HTR4: variants seen among roughly 807,000 people sequenced by gnomAD.
HTR4 encodes 5-hydroxytryptamine (serotonin) receptor 4, G protein-coupled.
A neutral mutation model predicts 36.8 loss-of-function variants in HTR4; 16 were observed. That is an observed-to-expected ratio of 0.43 (90% CI 0.29 to 0.66). The LOEUF (loss-of-function observed/expected upper bound fraction) is 0.66. HTR4 is among the 30% of genes least tolerant of loss of function. The pLI is 0.13. For synonymous variants in HTR4, 189 were observed against 185.1 expected, an observed-to-expected ratio of 1.02 and a Z score of -0.17; for missense variants, 438 against 490.9, an observed-to-expected ratio of 0.89 and a Z score of 1.02.
chr5:148,514,874 G>A (rs1561589852), intron 5 of HTR4, among the ~76,000 whole-genome samples: 1 of 151,986 alleles, frequency 6.6e-6, no homozygotes, highest in East Asian at 1.9e-4. Context: ...CACTTGCATA[G>A]TGTATGTATT....
At chr5:148,543,701 C>G (rs1759231782) in intron 4 of HTR4, among the ~76,000 whole-genome samples, 1 of 151,944 alleles carries the variant, frequency 6.6e-6, no homozygotes. Flanking sequence ...CTACAATGCT[C>G]AGGTATTATT....
rs183566586 is a variant in HTR4, at chr5:148,523,724, C to T, written c.354-378G>A. 3.0e-3 allele frequency among the ~76,000 whole-genome samples: 456 copies of T among 152,244 alleles called. 2 individuals carry two copies. The highest frequency in any genetic ancestry group is 5.2e-3 in the Non-Finnish European group (354 of 68,018). The stretch of plus-strand genomic sequence containing the variant: ...CATTGCCTGCAGTTGGCCCCACAGT[C>T]CTCTCCATCTCCCAATATCTGGAGG... On this transcript the variant is annotated intron_variant, in intron 4 of 6. Coordinates refer to ENST00000377888, the MANE Select transcript of HTR4 (RefSeq NM_000870.7).
At chr5:148,564,742 CA>C (rs2113871466) in intron 2 of HTR4, among the ~76,000 whole-genome samples, 1 of 152,308 alleles carries the variant, frequency 6.6e-6, no homozygotes, top group South Asian at 2.1e-4. Context: ...GCCTTTCCCA[CA>C]TTGTACTCTT....
At chr5:148,617,807 A>T (rs1305173170) in intron 2 of HTR4, among the ~76,000 whole-genome samples, 2 of 152,242 alleles carry the variant, frequency 1.3e-5, no homozygotes, top group East Asian at 3.9e-4. Context: ...ACAGTAATGA[A>T]TTAATCAGGA....
chr5:148,509,704 A>G lies in HTR4; in HGVS notation c.828T>C (p.Phe276=), dbSNP rs1757400342. Residue 276 remains phenylalanine (F), a synonymous_variant, in exon 6 of 7, where the codon TTT becomes TTC. Coordinates refer to ENST00000377888, the MANE Select transcript of HTR4 (RefSeq NM_000870.7). ...TGAAAGGATCCACAATATTGGTGAC[A>G]AAGAATGGTGCCCAGCAGAGGCAGA... is the stretch of plus-strand genomic sequence containing the variant. ...GCFCLCWAPF[F]VTNIVDPFID... 6.2e-7 allele frequency: 1 copy of G among 1,614,168 alleles called. No homozygotes were observed.
intron 6 of HTR4, among the ~76,000 whole-genome samples, chr5:148,486,519 C>T (rs570681763): frequency 1.5e-4 from 23 of 152,262 alleles, no homozygotes; most frequent in African/African-American, 5.5e-4. Context: ...TTTCCTGTGC[C>T]TCACTTTTCC....
At chr5:148,551,808 G>T (rs1759707925) in intron 2 of HTR4, among the ~76,000 whole-genome samples, 1 of 152,138 alleles carries the variant, frequency 6.6e-6, no homozygotes, top group Non-Finnish European at 1.5e-5. Context: ...ATTGGGTTGG[G>T]CTGCATTAAA....
rs199957116 is a variant in HTR4, at chr5:148,509,529, G to A, written c.1003C>T (p.Arg335Ter). ...IILCCDDERY[R>*]RPSILGQTVP... ...GTCTGGCCCAGAATGGAAGGTCTTC[G>A]GTAGCGCTCATCATCACAGCAGAGG... The change falls in exon 6 of 7, where the codon CGA becomes TGA. Residue 335 changes from arginine (R) to a stop codon, truncating the protein, a stop_gained. Transcript: ENST00000377888. LOFTEE classifies it high-confidence loss of function. 1.2e-5 allele frequency: 19 copies of A among 1,613,964 alleles called. No homozygotes were observed. The highest frequency in any genetic ancestry group is 8.9e-5 in the East Asian group (4 of 44,864).
At chr5:148,646,279 C>T (rs1268056339) in intron 1 of HTR4, 3 of 152,326 alleles carry the variant, frequency 2.0e-5, no homozygotes, top group East Asian at 1.9e-4. Context: ...TTAAATGCCT[C>T]ATTGGCTGAG....
At chr5:148,510,790 A>ATAACACAGAG (rs371434488) in intron 5 of HTR4, among the ~76,000 whole-genome samples, 5 of 152,260 alleles carry the variant, frequency 3.3e-5, no homozygotes, top group South Asian at 4.1e-4. Flanking sequence ...TCTCATTTAG[A>ATAACACAGAG]TAACACAGAG....
chr5:148,461,570 T>C (rs6864744), intron 5 of HTR4, among the ~76,000 whole-genome samples: 3,780 of 152,078 alleles, frequency 0.025, 167 homozygotes, highest in African/African-American at 0.086. Context: ...GAAGACATAA[T>C]AATCCTTAAC....
intron 2 of HTR4, among the ~76,000 whole-genome samples, chr5:148,634,838 C>T (rs1753472020): frequency 6.6e-6 from 1 of 152,114 alleles, no homozygotes; most frequent in Admixed American, 6.6e-5. Flanking sequence ...TTTTCCTGGG[C>T]TAGAAACCCA....
intron 2 of HTR4, among the ~76,000 whole-genome samples, chr5:148,605,658 G>A (rs1022213491): frequency 5.3e-5 from 8 of 151,666 alleles, no homozygotes; most frequent in African/African-American, 1.7e-4. Context: ...TCCCCTTCAG[G>A]ACAAATTATC....
At chr5:148,601,529 G>A (rs1267788344) in intron 2 of HTR4, among the ~76,000 whole-genome samples, 3 of 152,140 alleles carry the variant, frequency 2.0e-5, no homozygotes, top group African/African-American at 7.2e-5. Flanking sequence ...GGCCAGGTGT[G>A]GTGGCTCACT....
chr5:148,506,997 C>A (rs1439229692), intron 6 of HTR4, among the ~76,000 whole-genome samples: 4 of 152,062 alleles, frequency 2.6e-5, no homozygotes, highest in African/African-American at 9.7e-5. Flanking sequence ...CTAGAAATAC[C>A]ATTTGACCCA....
chr5:148,484,431 T>G (rs1756053387), intron 6 of HTR4: 3 of 1,544,774 alleles, frequency 1.9e-6, no homozygotes, highest in African/African-American at 1.4e-5. Context: ...CAGTGAATCT[T>G]ACTTACACAA....
chr5:148,624,562 T>C (rs1259331313), intron 2 of HTR4, among the ~76,000 whole-genome samples: 4 of 152,190 alleles, frequency 2.6e-5, no homozygotes, highest in African/African-American at 9.7e-5. Context: ...AAAGGCATGT[T>C]GTCCCTGTCA....
chr5:148,533,290 A>G (rs893569063), intron 4 of HTR4, among the ~76,000 whole-genome samples: 10 of 152,238 alleles, frequency 6.6e-5, no homozygotes, highest in African/African-American at 2.4e-4. Context: ...GGATTAACTA[A>G]AATGAAGCAA....
intron 4 of HTR4, among the ~76,000 whole-genome samples, chr5:148,534,009 G>T (rs1172685040): frequency 6.6e-6 from 1 of 152,034 alleles, no homozygotes; most frequent in Non-Finnish European, 1.5e-5. Flanking sequence ...TGAATGAATT[G>T]GTCTCTAAAG....
Sources: allele counts gnomAD v4.1 joint callset (sites outside exome capture counted in the v4.1 genomes callset), GRCh38; gene constraint gnomAD v4.1.1; transcripts MANE v1.5; gene names NCBI Gene and HGNC (gene_info 2026-07-23, HGNC 2026-07-21).